The following SCML4 variants were observed in gnomAD, a reference collection of about 807,000 sequenced individuals.
SCML4 encodes Scm polycomb group protein like 4.
SCML4 carries 34 observed loss-of-function variants against 41.1 expected under a neutral mutation model. The ratio of observed to expected loss-of-function variants is 0.83; its 90% CI spans 0.63 to 1.10. The LOEUF (loss-of-function observed/expected upper bound fraction) is 1.10, where lower values mean the gene tolerates loss of function less well. Among genes scored for constraint, SCML4 ranks in the 50% least tolerant of loss-of-function variants. SCML4 has a pLI of 0.00. For missense variants in SCML4, 522 were observed against 534.1 expected (o/e 0.98, Z 0.22); for synonymous variants, 214 against 220.9 (o/e 0.97, Z 0.28).
At chr6:107,765,486 C>T (rs1779959637) in intron 2 of SCML4, among the ~76,000 whole-genome samples, 1 of 152,066 alleles carries the variant, frequency 6.6e-6, no homozygotes, top group Non-Finnish European at 1.5e-5. Context: ...GCCTGGGCAA[C>T]AGAGTGAGAC....
intron 6 of SCML4, among the ~76,000 whole-genome samples, chr6:107,711,594 T>C (rs1728122): frequency 0.75 from 113,517 of 151,480 alleles, 42,714 homozygotes; most frequent in Admixed American, 0.81. Context: ...CATTGAGTGA[T>C]GCATGACTGT....
At chr6:107,826,571 A>G (rs549499208), upstream of SCML4, among the ~76,000 whole-genome samples, 1 of 152,328 alleles carries the variant, frequency 6.6e-6, no homozygotes, top group South Asian at 2.1e-4. Flanking sequence ...GGGTTGGCAG[A>G]ATCTACCCAT....
At chr6:107,792,730 C>CA (rs529040468) in intron 1 of SCML4, among the ~76,000 whole-genome samples, 5,066 of 125,438 alleles carry the variant, frequency 0.04, 221 homozygotes, top group African/African-American at 0.11. Flanking sequence ...GACTCTGTCT[C>CA]AAAAAAAAAA....
intron 1 of SCML4, among the ~76,000 whole-genome samples, chr6:107,822,618 T>C (rs1327994240): frequency 6.6e-6 from 1 of 152,106 alleles, no homozygotes; most frequent in East Asian, 1.9e-4. Context: ...ACTTTTGTTA[T>C]AATTCCACAA....
intron 1 of SCML4, among the ~76,000 whole-genome samples, chr6:107,791,069 A>G (rs1562262340): frequency 2.6e-5 from 1 of 38,362 alleles, no homozygotes; most frequent in South Asian, 1.3e-3. Flanking sequence ...GACTCCGTCT[A>G]AAAAAAAAAA....
intron 6 of SCML4, 183 bp downstream of exon 6, chr6:107,720,520 T>C: frequency 7.2e-7 from 1 of 1,381,738 alleles, no homozygotes; most frequent in Non-Finnish European, 9.3e-7. Context: ...TCTTTGCTTA[T>C]CAAAGGTTGA....
chr6:107,797,101 A>G (rs1257880337), intron 1 of SCML4, among the ~76,000 whole-genome samples: 1 of 152,130 alleles, frequency 6.6e-6, no homozygotes, highest in Non-Finnish European at 1.5e-5. Flanking sequence ...ATCATGTAGT[A>G]TAAATTCTCC....
intron 1 of SCML4, among the ~76,000 whole-genome samples, chr6:107,784,030 C>T (rs1326330549): frequency 6.6e-6 from 1 of 152,150 alleles, no homozygotes; most frequent in Non-Finnish European, 1.5e-5. Flanking sequence ...AGTGCCCAGT[C>T]TCTTGTTTTG....
chr6:107,771,982 G>A (rs1435777567), intron 2 of SCML4, among the ~76,000 whole-genome samples, 190 bp downstream of exon 2: 3 of 152,090 alleles, frequency 2.0e-5, no homozygotes, highest in Non-Finnish European at 4.4e-5. Flanking sequence ...AAATGCACAC[G>A]ACAGCATGCA....
intron 1 of SCML4, among the ~76,000 whole-genome samples, chr6:107,792,595 G>A (rs983690324): frequency 6.6e-6 from 1 of 152,068 alleles, no homozygotes. Context: ...AGCTGGGTAT[G>A]CTGGTGCATG....
chr6:107,830,048 G>T, the SCML4 span, among the ~76,000 whole-genome samples: 1 of 152,150 alleles, frequency 6.6e-6, no homozygotes, highest in South Asian at 2.1e-4. Flanking sequence ...GAGCCCATGT[G>T]GGGTGCTTAG....
chr6:107,735,815 AT>A (rs1471066268), intron 5 of SCML4, among the ~76,000 whole-genome samples: 20 of 140,778 alleles, frequency 1.4e-4, no homozygotes, highest in African/African-American at 4.7e-4. Context: ...AAAAAAAAAA[AT>A]TATCATCTTT....
chr6:107,721,988 T>TC (rs1246805059), intron 5 of SCML4, among the ~76,000 whole-genome samples: 1 of 150,788 alleles, frequency 6.6e-6, no homozygotes, highest in African/African-American at 2.4e-5. Flanking sequence ...CATACTTTTT[T>TC]TTTTTTTTTT....
At chr6:107,839,393 G>GAA in the SCML4 span, among the ~76,000 whole-genome samples, 1 of 134,388 alleles carries the variant, frequency 7.4e-6, no homozygotes, top group Admixed American at 7.4e-5. Context: ...AAGAAAGAAA[G>GAA]AAAGAAAGAA....
chr6:107,745,009 G>A lies in SCML4; in HGVS notation c.622C>T (p.Pro208Ser). Residue 208 changes from proline to serine, a missense_variant, in exon 5 of 8, where the codon CCC becomes TCC. Transcript: ENST00000369020. ...TTCTCAGAGGCACTGCAGCCCCTGG[G>A]GAAGGGCTGGTGGCTGAAGAGGTCA... ...CDDLFSHQPFPRGCSASEKVQ... is the reference protein window; with the variant it reads ...CDDLFSHQPFSRGCSASEKVQ... 6.2e-7 allele frequency: 1 copy of A among 1,613,966 alleles called. No individual in the cohort carries two copies. The highest frequency in any genetic ancestry group is 1.1e-5 in the South Asian group (1 of 91,054).
At chr6:107,737,647 C>T (rs1401288169) in intron 5 of SCML4, among the ~76,000 whole-genome samples, 2 of 151,910 alleles carry the variant, frequency 1.3e-5, no homozygotes, top group African/African-American at 2.4e-5. Flanking sequence ...GTGTGGCCCC[C>T]GCCCTATCAG....
At chr6:107,827,806 A>G (rs1785304641), upstream of SCML4, among the ~76,000 whole-genome samples, 1 of 152,224 alleles carries the variant, frequency 6.6e-6, no homozygotes, top group African/African-American at 2.4e-5. Context: ...GGCGTCCCAA[A>G]TGCAAATCTA....
upstream of SCML4, among the ~76,000 whole-genome samples, chr6:107,825,317 AG>A (rs1326139127): frequency 6.6e-6 from 1 of 152,218 alleles, no homozygotes; most frequent in Non-Finnish European, 1.5e-5. Context: ...AATATCAACC[AG>A]GGCTAACGAA....
At chr6:107,729,122 C>T (rs183479108) in intron 5 of SCML4, among the ~76,000 whole-genome samples, 1 of 152,146 alleles carries the variant, frequency 6.6e-6, no homozygotes, top group Non-Finnish European at 1.5e-5. Context: ...GGACAGGGAA[C>T]CACATGGGTA....
Sources: allele counts gnomAD v4.1 joint callset (sites outside exome capture counted in the v4.1 genomes callset), GRCh38; gene constraint gnomAD v4.1.1; transcripts MANE v1.5; gene names NCBI Gene and HGNC (gene_info 2026-07-23, HGNC 2026-07-21).